PARVB: variants seen among roughly 807,000 people sequenced by gnomAD.
PARVB encodes the protein parvin beta.
PARVB carries 46 observed loss-of-function variants against 47.0 expected under a neutral mutation model. That is an observed-to-expected ratio of 0.98 (90% CI 0.77 to 1.25). PARVB has a LOEUF of 1.25. PARVB is among the 50% of genes most tolerant of loss of function. PARVB has a pLI of 0.00. For synonymous variants in PARVB, 196 were observed against 196.3 expected, an observed-to-expected ratio of 1.00 and a Z score of 0.01; for missense variants, 473 against 471.6, an observed-to-expected ratio of 1.00 and a Z score of -0.03.
At chr22:44,167,720 C>T (rs9614355) in intron 12 of PARVB, among the ~76,000 whole-genome samples, 13 of 58,840 alleles carry the variant, frequency 2.2e-4, no homozygotes, top group Non-Finnish European at 3.2e-4. Context: ...CCCGCCGAGC[C>T]GAGTTCCCCG....
intron 1 of PARVB, chr22:44,039,889 A>C (rs1166716946): frequency 4.4e-6 from 2 of 454,838 alleles, no homozygotes. Context: ...GTCATAGCTC[A>C]CTGCAGCCTC....
At chr22:44,062,250 C>T (rs765348883) in intron 1 of PARVB, among the ~76,000 whole-genome samples, 11 of 152,138 alleles carry the variant, frequency 7.2e-5, no homozygotes, top group Non-Finnish European at 1.2e-4. Flanking sequence ...GAGCCTCAGA[C>T]CCCACAGGTG....
intron 11 of PARVB, 49 bp downstream of exon 11, chr22:44,158,132 G>A: frequency 8.0e-7 from 1 of 1,246,630 alleles, no homozygotes; most frequent in Non-Finnish European, 1.2e-6. Flanking sequence ...AATGCTCATT[G>A]AAATGCAGAG....
At chr22:44,062,945 T>C (rs2051447417) in intron 1 of PARVB, among the ~76,000 whole-genome samples, 2 of 152,084 alleles carry the variant, frequency 1.3e-5, no homozygotes. Context: ...TTCTGGAGGG[T>C]GGGGTTGGGG....
At chr22:44,134,303 G>A (rs2053394361) in intron 6 of PARVB, among the ~76,000 whole-genome samples, 1 of 152,250 alleles carries the variant, frequency 6.6e-6, no homozygotes, top group African/African-American at 2.4e-5. Flanking sequence ...GGGACCTGGG[G>A]GGCCATTCCT....
At chr22:44,038,548 A>C (rs991355178) in intron 1 of PARVB, among the ~76,000 whole-genome samples, 17 of 152,190 alleles carry the variant, frequency 1.1e-4, no homozygotes, top group African/African-American at 4.1e-4. Context: ...TGGAAGGCTG[A>C]GGTGGGCGGA....
intron 1 of PARVB, among the ~76,000 whole-genome samples, chr22:44,027,543 C>T (rs1416224843): frequency 3.9e-5 from 6 of 152,252 alleles, no homozygotes; most frequent in Non-Finnish European, 7.3e-5. Flanking sequence ...TCTGGAGGTT[C>T]TGTCCCTCTT....
chr22:44,117,136 G>A (rs939540045), intron 3 of PARVB, among the ~76,000 whole-genome samples: 11 of 152,176 alleles, frequency 7.2e-5, no homozygotes, highest in Admixed American at 2.6e-4. Flanking sequence ...TCCCCACCCC[G>A]CCCCGTGGCA....
At chr22:44,056,729 C>A (rs565323839) in intron 1 of PARVB, among the ~76,000 whole-genome samples, 1 of 151,690 alleles carries the variant, frequency 6.6e-6, no homozygotes, top group Admixed American at 6.6e-5. Flanking sequence ...TGGCCTCGAA[C>A]CCCTGGGCTC....
intron 2 of PARVB, among the ~76,000 whole-genome samples, chr22:44,007,940 G>T (rs1384879851): frequency 1.3e-5 from 2 of 152,120 alleles, no homozygotes; most frequent in Admixed American, 6.6e-5. Flanking sequence ...TTTGTGACTG[G>T]CATATCACAC....
At chr22:44,018,352 A>G (rs1569052754) in intron 2 of PARVB, among the ~76,000 whole-genome samples, 1 of 152,188 alleles carries the variant, frequency 6.6e-6, no homozygotes, top group African/African-American at 2.4e-5. Flanking sequence ...CAGTGAGCTG[A>G]GGTCTTGCCA....
intron 3 of PARVB, among the ~76,000 whole-genome samples, chr22:44,102,091 A>G (rs2052460947): frequency 1.3e-5 from 2 of 152,226 alleles, no homozygotes; most frequent in East Asian, 3.9e-4. Flanking sequence ...CAAGCTAGAA[A>G]GCTGGAGGGC....
At chr22:44,024,227 C>T (rs1310497233), upstream of PARVB, 6 of 377,234 alleles carry the variant, frequency 1.6e-5, no homozygotes, top group South Asian at 1.1e-4. Flanking sequence ...AGGCCAGGGG[C>T]GGGGGCGGGA....
At chr22:44,133,103 C>A in intron 6 of PARVB, 94 bp downstream of exon 6, 2 of 717,720 alleles carry the variant, frequency 2.8e-6, no homozygotes, top group Non-Finnish European at 4.6e-6. Flanking sequence ...TCCTTTTTTC[C>A]CCCCAGGAGG....
At chr22:44,041,779 C>T (rs374381170) in intron 1 of PARVB, among the ~76,000 whole-genome samples, 1 of 151,682 alleles carries the variant, frequency 6.6e-6, no homozygotes, top group African/African-American at 2.4e-5. Context: ...CCAGCTACCC[C>T]GGAGGCTGAG....
intron 2 of PARVB, among the ~76,000 whole-genome samples, chr22:44,098,032 C>G (rs908890712): frequency 5.9e-5 from 9 of 152,194 alleles, no homozygotes; most frequent in Admixed American, 2.0e-4. Flanking sequence ...GCAGCGAGTT[C>G]CCTGTGGGGG....
At chr22:44,129,087 A>T (rs2053253693) in intron 4 of PARVB, among the ~76,000 whole-genome samples, 2 of 152,172 alleles carry the variant, frequency 1.3e-5, no homozygotes, top group Non-Finnish European at 2.9e-5. Context: ...TCAAAAAAAT[A>T]AAAAAATTAA....
chr22:44,078,119 G>A (rs890189602), intron 1 of PARVB, among the ~76,000 whole-genome samples: 31 of 152,210 alleles, frequency 2.0e-4, no homozygotes, highest in African/African-American at 6.8e-4. Context: ...CTCACAGCGT[G>A]GGTCCTTGTC....
intron 1 of PARVB, among the ~76,000 whole-genome samples, chr22:44,063,305 C>T (rs2051454634): frequency 6.6e-6 from 1 of 151,694 alleles, no homozygotes; most frequent in African/African-American, 2.4e-5. Context: ...CAGCTTACTG[C>T]AACCTCCGCC....
Sources: gnomAD v4.1 joint callset for allele counts (sites outside exome capture counted in the v4.1 genomes callset) on GRCh38, gnomAD v4.1.1 for gene constraint, MANE v1.5 for transcripts, NCBI Gene and HGNC (gene_info 2026-07-23, HGNC 2026-07-21) for gene names.